Variants in RAP1A observed in about 807,000 individuals in gnomAD.
RAP1A encodes the protein RAP1A, member of RAS oncogene family.
RAP1A carries 6 observed loss-of-function variants against 26.4 expected under a neutral mutation model. The ratio of observed to expected loss-of-function variants is 0.23; its 90% CI spans 0.12 to 0.45. The LOEUF is 0.45. Among genes scored for constraint, RAP1A ranks in the 20% least tolerant of loss-of-function variants. The pLI is 0.99. For missense variants in RAP1A, 121 were observed against 217.2 expected, an observed-to-expected ratio of 0.56 and a Z score of 2.78; for synonymous variants, 73 against 79.4, an observed-to-expected ratio of 0.92 and a Z score of 0.43.
chr1:111,689,849 T>C (rs1347442155), intron 1 of RAP1A, among the ~76,000 whole-genome samples: 4 of 152,170 alleles, frequency 2.6e-5, no homozygotes, highest in Non-Finnish European at 1.5e-5. Flanking sequence ...GCTAATTTTT[T>C]GTACATTTAG....
intron 1 of RAP1A, among the ~76,000 whole-genome samples, chr1:111,585,140 A>T (rs148401088): frequency 5.2e-4 from 79 of 152,334 alleles, no homozygotes; most frequent in African/African-American, 1.9e-3. Context: ...TCTGTTGCCG[A>T]TTTAATCCTC....
At chr1:111,654,584 T>A (rs1423770062) in intron 1 of RAP1A, among the ~76,000 whole-genome samples, 3 of 152,140 alleles carry the variant, frequency 2.0e-5, no homozygotes, top group African/African-American at 4.8e-5. Context: ...TATAATAATA[T>A]TATAGAATTG....
chr1:111,575,173 G>C (rs1198183496), intron 1 of RAP1A, among the ~76,000 whole-genome samples: 1 of 150,798 alleles, frequency 6.6e-6, no homozygotes, highest in Non-Finnish European at 1.5e-5. Flanking sequence ...TTTTGAGATA[G>C]AGTCTCACTC....
chr1:111,655,727 G>A (rs1660435377), intron 1 of RAP1A, among the ~76,000 whole-genome samples: 1 of 144,790 alleles, frequency 6.9e-6, no homozygotes. Flanking sequence ...GAGTGCAGTG[G>A]CGCAATCTCA....
intron 1 of RAP1A, among the ~76,000 whole-genome samples, chr1:111,675,364 C>A (rs374268293): frequency 1.3e-5 from 2 of 151,900 alleles, no homozygotes; most frequent in Non-Finnish European, 2.9e-5. Context: ...CTCAGCTACT[C>A]GGGAGGCTGA....
intron 1 of RAP1A, among the ~76,000 whole-genome samples, chr1:111,651,037 C>T (rs188707476): frequency 5.3e-5 from 8 of 152,118 alleles, no homozygotes; most frequent in African/African-American, 9.6e-5. Flanking sequence ...CTCCTGACCT[C>T]GTGATCCGCC....
intron 1 of RAP1A, among the ~76,000 whole-genome samples, chr1:111,551,174 T>C (rs1452551278): frequency 2.0e-5 from 3 of 151,476 alleles, no homozygotes; most frequent in African/African-American, 7.3e-5. Context: ...TTGGATCATG[T>C]TTTTTTTTGA....
chr1:111,643,182 A>C (rs1659948751), intron 1 of RAP1A, among the ~76,000 whole-genome samples: 1 of 152,184 alleles, frequency 6.6e-6, no homozygotes, highest in South Asian at 2.1e-4. Context: ...CCATTTACAT[A>C]AGCAAATGAG....
At chr1:111,698,840 C>G (rs1661921979) in intron 4 of RAP1A, among the ~76,000 whole-genome samples, 1 of 152,256 alleles carries the variant, frequency 6.6e-6, no homozygotes, top group South Asian at 2.1e-4. Flanking sequence ...CAAGCTATCT[C>G]TCCCTCTCCC....
chr1:111,594,949 TTC>T (rs1026996278), intron 1 of RAP1A, among the ~76,000 whole-genome samples: 5 of 152,242 alleles, frequency 3.3e-5, no homozygotes, highest in Non-Finnish European at 5.9e-5. Context: ...TTCCTTCCAG[TTC>T]TCTTATAGGC....
intron 6 of RAP1A, among the ~76,000 whole-genome samples, chr1:111,705,222 G>A (rs1662150789): frequency 6.6e-6 from 1 of 152,084 alleles, no homozygotes; most frequent in Non-Finnish European, 1.5e-5. Context: ...CTTAACATAA[G>A]CCTTTTAAAA....
intron 1 of RAP1A, among the ~76,000 whole-genome samples, chr1:111,671,216 C>G (rs1392327090): frequency 6.6e-6 from 1 of 152,130 alleles, no homozygotes; most frequent in East Asian, 1.9e-4. Flanking sequence ...AACTCCTGGG[C>G]CCAAGCGACC....
chr1:111,580,868 A>AC (rs920180215), intron 1 of RAP1A, among the ~76,000 whole-genome samples: 3 of 149,178 alleles, frequency 2.0e-5, no homozygotes, highest in Non-Finnish European at 4.5e-5. Context: ...CAAAAAACAA[A>AC]AAAAAAACAA....
intron 5 of RAP1A, 100 bp from the exon 6 acceptor site, chr1:111,704,243 A>G: frequency 8.0e-7 from 1 of 1,256,408 alleles, no homozygotes; most frequent in Non-Finnish European, 1.1e-6. Context: ...GGTCCCAACT[A>G]ATGCATTTCA....
At chr1:111,663,249 G>A (rs947391501) in intron 1 of RAP1A, among the ~76,000 whole-genome samples, 1 of 152,040 alleles carries the variant, frequency 6.6e-6, no homozygotes, top group African/African-American at 2.4e-5. Flanking sequence ...GTTAATTTGG[G>A]TTCCCTGGTC....
chr1:111,600,307 T>C (rs1468154544), intron 1 of RAP1A, among the ~76,000 whole-genome samples: 1 of 152,214 alleles, frequency 6.6e-6, no homozygotes, highest in Non-Finnish European at 1.5e-5. Flanking sequence ...TCAGGACTGG[T>C]AATCACAACA....
At chr1:111,670,752 A>T (rs1660947580) in intron 1 of RAP1A, among the ~76,000 whole-genome samples, 2 of 152,322 alleles carry the variant, frequency 1.3e-5, no homozygotes, top group Admixed American at 1.3e-4. Context: ...ATAACTAAAG[A>T]TGTGGCAGAT....
At chr1:111,583,105 G>A (rs1471615496) in intron 1 of RAP1A, among the ~76,000 whole-genome samples, 2 of 152,218 alleles carry the variant, frequency 1.3e-5, no homozygotes, top group Non-Finnish European at 2.9e-5. Context: ...CAGAGCAGAG[G>A]CTGACAGGCA....
rs151039090 is a variant in RAP1A, at chr1:111,708,383, C to T, written c.469-766C>T. On this transcript the variant is annotated intron_variant, in intron 6 of 7. Coordinates refer to ENST00000369709, the MANE Select transcript of RAP1A (RefSeq NM_002884.4). ...AATGTATATAACCTGAATCTAATCA[C>T]GAGAAAACCTCAGATAAACCCAAAT... Among the ~76,000 whole-genome samples, 73 of 152,284 alleles carry T rather than the reference C, an allele frequency of 4.8e-4. 2 individuals carry two copies. In the South Asian group the frequency reaches 0.014, roughly 30 times the overall value.
Sources: gnomAD v4.1 joint callset for allele counts (sites outside exome capture counted in the v4.1 genomes callset) on GRCh38, gnomAD v4.1.1 for gene constraint, MANE v1.5 for transcripts, NCBI Gene and HGNC (gene_info 2026-07-23, HGNC 2026-07-21) for gene names.